The following RTTN variants were observed in gnomAD, a reference collection of about 807,000 sequenced individuals.
The protein encoded by RTTN is rotatin.
RTTN carries 182 observed loss-of-function variants against 269.2 expected under a neutral mutation model. The observed-to-expected ratio is 0.68, with a 90% CI of 0.60 to 0.76. The LOEUF is 0.76. Among genes scored for constraint, RTTN ranks in the 30% least tolerant of loss-of-function variants. The probability of loss-of-function intolerance (pLI) is 0.00; values close to 1 mark genes in which losing one functional copy is unlikely to be tolerated. For synonymous variants in RTTN, 1,006 were observed against 963.5 expected (o/e 1.04, Z -0.82); for missense variants, 2,545 against 2,608.6 (o/e 0.98, Z 0.53).
At chr18:70,112,326 G>A (rs1318711154) in intron 27 of RTTN, among the ~76,000 whole-genome samples, 5 of 151,956 alleles carry the variant, frequency 3.3e-5, no homozygotes, top group Admixed American at 2.0e-4. Context: ...AAATGTAAAC[G>A]GGCTAAATGC....
intron 40 of RTTN, among the ~76,000 whole-genome samples, chr18:70,044,075 T>A (rs538204948): frequency 6.6e-6 from 1 of 152,372 alleles, no homozygotes; most frequent in African/African-American, 2.4e-5. Context: ...CTTCTGTACA[T>A]TTAAGTGATG....
chr18:70,043,236 T>C (rs2057396992), intron 40 of RTTN, among the ~76,000 whole-genome samples: 1 of 152,196 alleles, frequency 6.6e-6, no homozygotes, highest in Non-Finnish European at 1.5e-5. Flanking sequence ...AGTCAGCACG[T>C]TTTAAAATAA....
intron 11 of RTTN, 62 bp downstream of exon 11, chr18:70,176,613 A>G: frequency 7.0e-7 from 1 of 1,422,924 alleles, no homozygotes; most frequent in Non-Finnish European, 9.4e-7. Context: ...GAAGAAATTT[A>G]CAACAGAGCA....
Position 70,185,518 on chromosome 18 carries a change from T to C in RTTN, c.1305+2590A>G, listed in dbSNP as rs559400337. Among the ~76,000 whole-genome samples the C allele has an allele frequency of 1.7e-4, 26 of 152,322 alleles. 1 individual carries two copies. In the South Asian group the frequency reaches 5.2e-3, roughly 30 times the overall value. On this transcript the variant is annotated intron_variant, in intron 10 of 48. Coordinates refer to ENST00000640769, the MANE Select transcript of RTTN (RefSeq NM_173630.4). ...AGGCATCTACAAAATACAAATGTAC[T>C]AGAGCTAATCTTGTATTTAATGGTG...
chr18:70,176,819 T>A lies in RTTN; in HGVS notation c.1332A>T (p.Gly444=). The A allele has an allele frequency of 6.2e-7, 1 of 1,613,490 alleles. No homozygotes were observed. The highest frequency in any genetic ancestry group is 8.5e-7 in the Non-Finnish European group (1 of 1,179,700). Residue 444 remains glycine (G), a synonymous_variant, in exon 11 of 49, where the codon GGA becomes GGT. Transcript: ENST00000640769. ...DMKEKLLLVL[G]ALGETMCYHK... ...GGTAGCACATGGTTTCTCCAAGGGC[T>A]CCCAACACCAGGAGTAGTTTCTCCT... is the stretch of plus-strand genomic sequence containing the variant.
At chr18:70,052,820 T>C (rs531610099) in intron 38 of RTTN, among the ~76,000 whole-genome samples, 1 of 152,168 alleles carries the variant, frequency 6.6e-6, no homozygotes, top group South Asian at 2.1e-4. Context: ...TTTTGCTAGA[T>C]ATGAGAAAAC....
intron 19 of RTTN, among the ~76,000 whole-genome samples, chr18:70,141,613 G>A (rs10747218): frequency 0.83 from 126,192 of 151,896 alleles, 55,539 homozygotes; most frequent in East Asian, 1. Context: ...TCACACTCCC[G>A]GGCCTGTCAC....
Position 70,030,934 on chromosome 18 carries a change from T to TG in RTTN, c.5588dup (p.Asn1864LysfsTer11). ...CAGCCAGCAGTGACATCAATGCATTTGCAGCTACTCTTTTCAGGATATCTT... is the reference window on the plus strand; with the variant it reads ...CAGCCAGCAGTGACATCAATGCATTTGGCAGCTACTCTTTTCAGGATATCTT... On this transcript the variant is annotated frameshift_variant, in exon 41 of 49. Coordinates refer to ENST00000640769, the MANE Select transcript of RTTN (RefSeq NM_173630.4). LOFTEE classifies it high-confidence loss of function. 6.2e-7 allele frequency: 1 copy of TG among 1,613,802 alleles called. No individual in the cohort carries two copies.
At chr18:70,173,963 T>C (rs1487928157) in intron 11 of RTTN, among the ~76,000 whole-genome samples, 1 of 152,102 alleles carries the variant, frequency 6.6e-6, no homozygotes, top group Non-Finnish European at 1.5e-5. Flanking sequence ...AATTGATCTA[T>C]AGTGACAGAA....
At chr18:70,188,683 A>G (rs1264875500) in intron 9 of RTTN, among the ~76,000 whole-genome samples, 1 of 152,242 alleles carries the variant, frequency 6.6e-6, no homozygotes, top group Non-Finnish European at 1.5e-5. Flanking sequence ...GACTGGAGCA[A>G]CTAAAGGAAT....
intron 35 of RTTN, 44 bp from the exon 36 acceptor site, chr18:70,060,086 C>T (rs946456788): frequency 1.4e-6 from 2 of 1,455,334 alleles, no homozygotes; most frequent in Admixed American, 4.1e-5. Flanking sequence ...TACCTTACAG[C>T]TATGTACAAT....
At chr18:70,019,774 G>A (rs1046698846) in intron 45 of RTTN, 1 of 152,178 alleles carries the variant, frequency 6.6e-6, no homozygotes, top group Non-Finnish European at 1.5e-5. Context: ...TGGTAAGATT[G>A]ATCTTTCCAT....
At chr18:70,113,802 T>C (rs931869003) in intron 27 of RTTN, among the ~76,000 whole-genome samples, 7 of 152,164 alleles carry the variant, frequency 4.6e-5, no homozygotes, top group Non-Finnish European at 1.0e-4. Flanking sequence ...GGTCACATTA[T>C]TGTTTGATTT....
Position 70,009,273 on chromosome 18 carries a change from C to T in RTTN, c.6422-2789G>A, listed in dbSNP as rs768563262. Among the ~76,000 whole-genome samples, 4 of 151,996 alleles carry T rather than the reference C, an allele frequency of 2.6e-5. No homozygotes were observed. In the East Asian group the frequency reaches 7.7e-4, roughly 29 times the overall value. Reference sequence around the variant, plus strand: ...GTCTCGGCCTCCTGAGTAGCTGGGACGACAGGTGGGCACCACCACACCTGG... The same window carrying T: ...GTCTCGGCCTCCTGAGTAGCTGGGATGACAGGTGGGCACCACCACACCTGG... On this transcript the variant is annotated intron_variant, in intron 46 of 48. Transcript: ENST00000640769.
In RTTN at chr18:70,114,573, C is replaced by T. The variant is rs1440564681; in HGVS notation, c.3555G>A (p.Leu1185=). 1 of 1,613,380 alleles carries T rather than the reference C, an allele frequency of 6.2e-7. No individual in the cohort carries two copies. Reference sequence around the variant, plus strand: ...CTCGTGCCTGTGACTCTGTCAGAACCAAGAGGTCTAACAGTGGGTTTGCAC... The same window carrying T: ...CTCGTGCCTGTGACTCTGTCAGAACTAAGAGGTCTAACAGTGGGTTTGCAC... ...RHSANPLLDL[L]VLTESQAREE... The change falls in exon 27 of 49, where the codon TTG becomes TTA. Residue 1185 remains leucine (L), a synonymous_variant. Coordinates refer to ENST00000640769, the MANE Select transcript of RTTN (RefSeq NM_173630.4).
rs766183356 is a variant in RTTN at position 70,163,069 on chromosome 18, T to TTA, written c.1929+2992_1929+2993insTA. On this transcript the variant is annotated intron_variant, in intron 14 of 48. Coordinates refer to ENST00000640769, the MANE Select transcript of RTTN (RefSeq NM_173630.4). Reference sequence around the variant, plus strand: ...CACCCATTAGGATGGTTACTATTATTAAAAAAAAAAAAAAAAAAAAAAAAA... The same window carrying TTA: ...CACCCATTAGGATGGTTACTATTATTTAAAAAAAAAAAAAAAAAAAAAAAAAA... Among the ~76,000 whole-genome samples, 90 of 56,984 alleles carry TTA rather than the reference T, an allele frequency of 1.6e-3. 1 individual carries two copies. Among genetic ancestry groups the TTA allele is most frequent in the South Asian group, 3.1e-3 (3 of 966 alleles). 37.4% of individuals were successfully genotyped at this position (56,984 alleles called of 152,430 possible). A position where few individuals can be genotyped will look rare whatever the true frequency, so the allele number is the denominator to read the frequency against.
chr18:70,167,574 T>A (rs950914822), intron 12 of RTTN, among the ~76,000 whole-genome samples: 3 of 151,826 alleles, frequency 2.0e-5, no homozygotes, highest in Non-Finnish European at 2.9e-5. Flanking sequence ...ATACAAAAAA[T>A]TAGCTGGTTG....
chr18:70,164,862 A>G (rs4393674), intron 14 of RTTN, among the ~76,000 whole-genome samples: 3,005 of 152,330 alleles, frequency 0.02, 53 homozygotes, highest in Non-Finnish European at 0.027. Flanking sequence ...GCATGGAGAC[A>G]TATTTTAATG....
chr18:70,077,272 C>T (rs893413800), intron 32 of RTTN, among the ~76,000 whole-genome samples: 2 of 151,902 alleles, frequency 1.3e-5, no homozygotes. Flanking sequence ...AAAATTATGT[C>T]TACATGAATG....
Sources: gnomAD v4.1 joint callset for allele counts (sites outside exome capture counted in the v4.1 genomes callset) on GRCh38, gnomAD v4.1.1 for gene constraint, MANE v1.5 for transcripts, NCBI Gene and HGNC (gene_info 2026-07-23, HGNC 2026-07-21) for gene names.